Variants in APOBEC3F observed in about 807,000 individuals in gnomAD.
APOBEC3F encodes DNA dC->dU-editing enzyme APOBEC-3F.
In APOBEC3F, 34 loss-of-function variants were observed where a neutral mutation model predicts 45.8. That is an observed-to-expected ratio of 0.74 (90% CI 0.57 to 0.99). The LOEUF (loss-of-function observed/expected upper bound fraction) is 0.99. Ranked by LOEUF, APOBEC3F falls within the 50% of genes least tolerant of loss-of-function variation. The probability of loss-of-function intolerance (pLI) is 0.00; values close to 1 mark genes in which losing one functional copy is unlikely to be tolerated. For missense variants in APOBEC3F, 459 were observed against 474.1 expected, an observed-to-expected ratio of 0.97 and a Z score of 0.30; for synonymous variants, 192 against 174.4, an observed-to-expected ratio of 1.10 and a Z score of -0.80.
chr22:39,049,946 G>GC (rs1927404395), intron 5 of APOBEC3F, among the ~76,000 whole-genome samples: 1 of 148,802 alleles, frequency 6.7e-6, no homozygotes, highest in Non-Finnish European at 1.5e-5. Context: ...CAAGTGATCC[G>GC]CCCCCCTCGG....
rs35895636 is a variant in APOBEC3F at position 39,052,331 on chromosome 22, C to G, written c.981C>G (p.Ser327=). ...GLRSLSQEGA[S]VEIMGYKDFK... ...GCAGCCTGAGTCAGGAAGGGGCCTC[C>G]GTGGAGATCATGGGCTACAAAGGTG... The change falls in exon 6 of 7, where the codon TCC becomes TCG. Residue 327 remains serine (S), a synonymous_variant. Transcript: ENST00000308521. The G allele has an allele frequency of 1.9e-6, 3 of 1,614,052 alleles. No individual in the cohort carries two copies. The highest frequency in any genetic ancestry group is 2.5e-6 in the Non-Finnish European group (3 of 1,180,042).
chr22:39,043,449 C>T (rs1927030074), intron 2 of APOBEC3F, among the ~76,000 whole-genome samples: 1 of 149,626 alleles, frequency 6.7e-6, no homozygotes, highest in African/African-American at 2.5e-5. Context: ...TACAGGTGCC[C>T]ACCACCACGC....
At chr22:39,048,978 A>G (rs112142296) in intron 4 of APOBEC3F, among the ~76,000 whole-genome samples, 11 of 144,374 alleles carry the variant, frequency 7.6e-5, no homozygotes, top group African/African-American at 2.9e-4. Flanking sequence ...GAGGGAGACT[A>G]TGTCCCAAAC....
chr22:39,050,393 C>T (rs35783680), intron 5 of APOBEC3F, among the ~76,000 whole-genome samples: 4,638 of 145,316 alleles, frequency 0.032, no homozygotes, highest in African/African-American at 0.11. Context: ...CCCTGCGGCC[C>T]CCTCCTCCCA....
In APOBEC3F at chr22:39,054,103, C is replaced by T. The variant is rs536335047; in HGVS notation, c.*1408C>T. On this transcript the variant is annotated 3_prime_UTR_variant, in exon 7 of 7. Coordinates refer to ENST00000308521, the MANE Select transcript of APOBEC3F (RefSeq NM_145298.6). The stretch of plus-strand genomic sequence containing the variant: ...TCTCGGCTCACTGCAACCTCTGCCT[C>T]CCTTGTTCAAGTGATTCTCCTGTCT... 2.0e-5 allele frequency among the ~76,000 whole-genome samples: 3 copies of T among 152,154 alleles called. No individual in the cohort carries two copies. The highest frequency in any genetic ancestry group is 4.4e-5 in the Non-Finnish European group (3 of 67,996).
chr22:39,047,124 G>T (rs1414664753), intron 4 of APOBEC3F, among the ~76,000 whole-genome samples: 2 of 152,050 alleles, frequency 1.3e-5, no homozygotes, highest in African/African-American at 4.8e-5. Context: ...AGCTCAGTGT[G>T]GGGGCACGCA....
rs1235752043 is a variant in APOBEC3F, at chr22:39,054,645, G to C, written c.*1950G>C. Among the ~76,000 whole-genome samples the C allele has an allele frequency of 6.6e-6, 1 of 152,196 alleles. No homozygotes were observed. Among genetic ancestry groups the C allele is most frequent in the Non-Finnish European group, 1.5e-5 (1 of 68,042 alleles). ...CCCATTTCTCCTTTTAATAGGACCTGTTGCTGTCTCTGTTCTCCCAACATG... is the reference window on the plus strand; with the variant it reads ...CCCATTTCTCCTTTTAATAGGACCTCTTGCTGTCTCTGTTCTCCCAACATG... On this transcript the variant is annotated 3_prime_UTR_variant, in exon 7 of 7. Coordinates refer to ENST00000308521, the MANE Select transcript of APOBEC3F (RefSeq NM_145298.6).
rs1459147966 is a variant in APOBEC3F at position 39,053,174 on chromosome 22, T to G, written c.*479T>G. 6.6e-6 allele frequency: 1 copy of G among 152,356 alleles called. No homozygotes were observed. The highest frequency in any genetic ancestry group is 1.5e-5 in the Non-Finnish European group (1 of 68,342). 9.4% of individuals were successfully genotyped at this position (152,356 alleles called of 1,614,324 possible). A position where few individuals can be genotyped will look rare whatever the true frequency, so the allele number is the denominator to read the frequency against. Reference sequence around the variant, plus strand: ...GCTAACTTTTTTTTTTTTTGTATTTTTAGTAGTGACTGGGTTTCACCATGT... The same window carrying G: ...GCTAACTTTTTTTTTTTTTGTATTTGTAGTAGTGACTGGGTTTCACCATGT... On this transcript the variant is annotated 3_prime_UTR_variant, in exon 7 of 7. Coordinates refer to ENST00000308521, the MANE Select transcript of APOBEC3F (RefSeq NM_145298.6).
chr22:39,047,523 G>A (rs35564618), intron 4 of APOBEC3F, among the ~76,000 whole-genome samples: 12 of 152,280 alleles, frequency 7.9e-5, no homozygotes, highest in African/African-American at 2.2e-4. Context: ...ACCACTGCCC[G>A]CTCTGCCCAC....
rs529241547 is a variant in APOBEC3F, at chr22:39,043,177, G to A, written c.171+87G>A. On this transcript the variant is annotated intron_variant, in intron 2 of 6. Coordinates refer to ENST00000308521, the MANE Select transcript of APOBEC3F (RefSeq NM_145298.6). Reference sequence around the variant, plus strand: ...CGCACTGATAAGTGAAGTGCCCGGCGGCGGGCTATCCAGTGTGTCCTTCTC... The same window carrying A: ...CGCACTGATAAGTGAAGTGCCCGGCAGCGGGCTATCCAGTGTGTCCTTCTC... 212 of 1,482,768 alleles carry A rather than the reference G, an allele frequency of 1.4e-4. 1 individual carries two copies. The highest frequency in any genetic ancestry group is 1.8e-4 in the Non-Finnish European group (202 of 1,114,308). The allele number at this position is 1,482,768 out of a possible 1,614,324, so 91.9% of individuals were successfully genotyped here.
chr22:39,052,081 C>T lies in APOBEC3F; in HGVS notation c.731C>T (p.Pro244Leu). The part of the protein sequence containing the change: ...KRGVFRNQVD[P>L]ETHCHAERCF... ...CTCCTCCTCCTTCCCCAGGTGGATCCTGAGACCCATTGTCATGCAGAAAGG... is the reference window on the plus strand; with the variant it reads ...CTCCTCCTCCTTCCCCAGGTGGATCTTGAGACCCATTGTCATGCAGAAAGG... The change falls in exon 6 of 7, where the codon CCT becomes CTT. Residue 244 changes from proline to leucine, a missense_variant. Transcript: ENST00000308521. 1 of 1,611,606 alleles carries T rather than the reference C, an allele frequency of 6.2e-7. No homozygotes were observed. The highest frequency in any genetic ancestry group is 1.1e-5 in the South Asian group (1 of 91,008).
Position 39,045,475 on chromosome 22 carries a change from T to C in APOBEC3F, c.499T>C (p.Phe167Leu). The change falls in exon 4 of 7, where the codon TTC (phenylalanine) becomes CTC (leucine). Residue 167 changes from phenylalanine to leucine, a missense_variant. By Grantham distance (22) the Phe-to-Leu change is conservative. Transcript: ENST00000308521. Reference sequence around the variant, plus strand: ...CTTTGTGTACAGTGAAGGTCAGCCATTCATGCCTTGGTACAAATTCGATGA... The same window carrying C: ...CTTTGTGTACAGTGAAGGTCAGCCACTCATGCCTTGGTACAAATTCGATGA... ...ENFVYSEGQP[F>L]MPWYKFDDNY... The C allele has an allele frequency of 6.2e-7, 1 of 1,614,144 alleles. No individual in the cohort carries two copies. The highest frequency in any genetic ancestry group is 8.5e-7 in the Non-Finnish European group (1 of 1,180,010).
At chr22:39,051,839 A>T (rs1927502084) in intron 5 of APOBEC3F, among the ~76,000 whole-genome samples, 1 of 152,166 alleles carries the variant, frequency 6.6e-6, no homozygotes. Flanking sequence ...CTGCAGTCCC[A>T]GCTAATCAGG....
chr22:39,045,339 G>A, intron 3 of APOBEC3F, 89 bp from the exon 4 acceptor site: 1 of 1,606,298 alleles, frequency 6.2e-7, no homozygotes, highest in East Asian at 2.2e-5. Flanking sequence ...GGCCAGCACT[G>A]ACAGCAACTG....
intron 4 of APOBEC3F, among the ~76,000 whole-genome samples, chr22:39,046,779 C>G (rs529322085): frequency 6.6e-6 from 1 of 152,026 alleles, no homozygotes; most frequent in African/African-American, 2.4e-5. Flanking sequence ...ACCACACTGG[C>G]TAATTTTTGT....
intron 2 of APOBEC3F, among the ~76,000 whole-genome samples, chr22:39,043,895 G>T (rs2146341404): frequency 6.6e-6 from 1 of 151,986 alleles, no homozygotes; most frequent in Non-Finnish European, 1.5e-5. Context: ...TGTGGTGGCA[G>T]TCGCCTGTAA....
intron 6 of APOBEC3F, 105 bp from the exon 7 acceptor site, chr22:39,052,472 G>A (rs1170729240): frequency 1.3e-6 from 2 of 1,570,016 alleles, no homozygotes; most frequent in Admixed American, 3.6e-5. Flanking sequence ...TGGCGCCAGT[G>A]TCCACTGCAA....
rs140392344 is a variant in APOBEC3F, at chr22:39,052,259, C to T, written c.909C>T (p.Thr303=). The part of the protein sequence containing the change: ...RHSNVNLTIF[T]ARLYYFWDTD... ...GCAACGTGAATCTCACCATCTTCACCGCCCGCCTCTACTACTTCTGGGATA... is the reference window on the plus strand; with the variant it reads ...GCAACGTGAATCTCACCATCTTCACTGCCCGCCTCTACTACTTCTGGGATA... The change falls in exon 6 of 7, where the codon ACC becomes ACT. Residue 303 remains threonine, a synonymous_variant. Coordinates refer to ENST00000308521, the MANE Select transcript of APOBEC3F (RefSeq NM_145298.6). 954 of 1,614,222 alleles carry T rather than the reference C, an allele frequency of 5.9e-4. No individual in the cohort carries two copies. Among genetic ancestry groups the T allele is most frequent in the Non-Finnish European group, 7.7e-4 (907 of 1,180,044 alleles).
intron 2 of APOBEC3F, chr22:39,044,017 C>CTA: frequency 6.8e-7 from 1 of 1,477,930 alleles, no homozygotes; most frequent in Non-Finnish European, 9.0e-7. Flanking sequence ...AAGAGTGAAA[C>CTA]TACGTCTCAA....
Sources: gnomAD v4.1 joint callset for allele counts (sites outside exome capture counted in the v4.1 genomes callset) on GRCh38, gnomAD v4.1.1 for gene constraint, MANE v1.5 for transcripts, NCBI Gene and HGNC (gene_info 2026-07-23, HGNC 2026-07-21) for gene names.